The following MTA3 variants were observed in gnomAD, a reference collection of about 807,000 sequenced individuals.
MTA3 encodes metastasis associated 1 family member 3, also known as metastasis-associated protein MTA3.
In MTA3, 34 loss-of-function variants were observed where a neutral mutation model predicts 83.5. The observed-to-expected ratio is 0.41, with a 90% CI of 0.31 to 0.54. MTA3 has a LOEUF of 0.54. Ranked by LOEUF, MTA3 falls within the 20% of genes least tolerant of loss-of-function variation. MTA3 has a pLI of 0.33. For synonymous variants in MTA3, 303 were observed against 252.7 expected, an observed-to-expected ratio of 1.20 and a Z score of -1.89; for missense variants, 761 against 726.4, an observed-to-expected ratio of 1.05 and a Z score of -0.55.
At chr2:42,705,564 G>C (rs1666007547) in intron 12 of MTA3, among the ~76,000 whole-genome samples, 1 of 152,074 alleles carries the variant, frequency 6.6e-6, no homozygotes, top group Non-Finnish European at 1.5e-5. Context: ...AAATTAGCCA[G>C]GCATGGTGGC....
At chr2:42,602,401 G>A (rs1682690612) in intron 3 of MTA3, among the ~76,000 whole-genome samples, 1 of 152,118 alleles carries the variant, frequency 6.6e-6, no homozygotes, top group South Asian at 2.1e-4. Context: ...TTTCTCTTGG[G>A]TAATTACCTA....
intron 9 of MTA3, among the ~76,000 whole-genome samples, chr2:42,690,856 T>TTTTA (rs35037034): frequency 0.12 from 16,435 of 136,036 alleles, 1,073 homozygotes; most frequent in Non-Finnish European, 0.14. Context: ...TGTATTTTTA[T>TTTTA]TTTATTTATT....
At chr2:42,752,993 C>T (rs1669998451) in intron 16 of MTA3, among the ~76,000 whole-genome samples, 1 of 151,864 alleles carries the variant, frequency 6.6e-6, no homozygotes. Flanking sequence ...GGTGCGACCA[C>T]AGCTCACTGC....
At chr2:42,658,903 T>C (rs1484942093) in intron 7 of MTA3, among the ~76,000 whole-genome samples, 1 of 149,878 alleles carries the variant, frequency 6.7e-6, no homozygotes, top group East Asian at 2.0e-4. Context: ...AGGGAGGCCT[T>C]GTCTACAGAA....
intron 8 of MTA3, among the ~76,000 whole-genome samples, chr2:42,682,051 TA>T (rs1169213410): frequency 6.6e-6 from 1 of 151,522 alleles, no homozygotes; most frequent in Non-Finnish European, 1.5e-5. Context: ...CTACATAAAA[TA>T]AAAAAACTAG....
Position 42,704,183 on chromosome 2 carries a change from T to A in MTA3, c.1026-11T>A. The A allele has an allele frequency of 6.2e-7, 1 of 1,612,978 alleles. No homozygotes were observed. Among genetic ancestry groups the A allele is most frequent in the South Asian group, 1.1e-5 (1 of 90,940 alleles). On this transcript the variant is annotated splice_polypyrimidine_tract_variant and intron_variant, in intron 11 of 16. Transcript: ENST00000405094. ...AATCATTTTATCACCTTATTTTAAT[T>A]TCATTGAAAGCAGCAAACCAAATCC... is the stretch of plus-strand genomic sequence containing the variant.
rs182523220 is a variant in MTA3, at chr2:42,650,462, C to T, written c.500-5738C>T. Reference sequence around the variant, plus strand: ...TTTGTTTTTTTGGTTTTTTTTGAGACGGAGTCTTACTCTGTCACCCAGGCT... The same window carrying T: ...TTTGTTTTTTTGGTTTTTTTTGAGATGGAGTCTTACTCTGTCACCCAGGCT... On this transcript the variant is annotated intron_variant, in intron 6 of 16. Transcript: ENST00000405094. 1.9e-3 allele frequency among the ~76,000 whole-genome samples: 282 copies of T among 151,568 alleles called. 2 individuals are homozygous for T. Among genetic ancestry groups the T allele is most frequent in the African/African-American group, 6.5e-3 (267 of 41,340 alleles).
At chr2:42,608,064 T>A (rs892663900) in intron 3 of MTA3, among the ~76,000 whole-genome samples, 2 of 152,256 alleles carry the variant, frequency 1.3e-5, no homozygotes, top group African/African-American at 4.8e-5. Flanking sequence ...TTTTTGTCTT[T>A]GGTTAGGTTG....
At chr2:42,527,386 G>A (rs916977150) in intron 2 of MTA3, among the ~76,000 whole-genome samples, 1 of 152,084 alleles carries the variant, frequency 6.6e-6, no homozygotes, top group African/African-American at 2.4e-5. Flanking sequence ...TTGTTCTTTG[G>A]ACCACACCTT....
At chr2:42,718,927 A>G (rs888647305) in intron 14 of MTA3, 61 bp from the exon 15 acceptor site, 7 of 1,213,312 alleles carry the variant, frequency 5.8e-6, no homozygotes, top group African/African-American at 3.0e-5. Flanking sequence ...TCTGTGGTGC[A>G]TGTAGTCTGG....
chr2:42,563,122 T>A (rs573030684), intron 2 of MTA3, among the ~76,000 whole-genome samples: 4 of 152,194 alleles, frequency 2.6e-5, no homozygotes, highest in African/African-American at 9.6e-5. Context: ...TCCCAACTGA[T>A]CTGGTCTGGA....
chr2:42,588,818 ATG>A (rs1680641344), intron 3 of MTA3, among the ~76,000 whole-genome samples: 1 of 138,698 alleles, frequency 7.2e-6, no homozygotes, highest in Non-Finnish European at 1.6e-5. Flanking sequence ...ATATATATAT[ATG>A]CTATATAAAA....
At position 42,693,175 on chromosome 2, in the gene MTA3, C is replaced by G. The variant is rs556760123; in HGVS notation, c.892-2590C>G. Among the ~76,000 whole-genome samples the G allele has an allele frequency of 7.9e-5, 12 of 152,276 alleles. No individual in the cohort carries two copies. In the South Asian group the frequency reaches 2.5e-3, roughly 32 times the overall value. On this transcript the variant is annotated intron_variant, in intron 9 of 16. Coordinates refer to ENST00000405094, the MANE Select transcript of MTA3 (RefSeq NM_001330442.2). ...TACCTGGAACTGGGGTGTGGTGACA[C>G]AAGCACTCTTGTGGCTACCACCACT... is the stretch of plus-strand genomic sequence containing the variant.
At chr2:42,543,189 G>A (rs886444442) in intron 2 of MTA3, among the ~76,000 whole-genome samples, 7 of 151,612 alleles carry the variant, frequency 4.6e-5, no homozygotes, top group Non-Finnish European at 8.8e-5. Flanking sequence ...AATTTTTTTT[G>A]TTTTTTGAGA....
chr2:42,574,472 G>A (rs1313344580), intron 2 of MTA3, among the ~76,000 whole-genome samples: 2 of 151,070 alleles, frequency 1.3e-5, no homozygotes. Flanking sequence ...TATGTTAGTT[G>A]TCACCCAGGC....
chr2:42,580,457 C>T (rs1303572758), intron 3 of MTA3, among the ~76,000 whole-genome samples: 1 of 152,026 alleles, frequency 6.6e-6, no homozygotes, highest in Admixed American at 6.6e-5. Flanking sequence ...CTGCAACCTC[C>T]GCCTTCTGGG....
chr2:42,722,426 C>G (rs922137804), intron 15 of MTA3, among the ~76,000 whole-genome samples: 21 of 152,138 alleles, frequency 1.4e-4, no homozygotes, highest in African/African-American at 4.3e-4. Flanking sequence ...CATACTCTGT[C>G]TGGTTGCAGA....
chr2:42,542,711 C>A (rs1001299091), intron 2 of MTA3, among the ~76,000 whole-genome samples: 3 of 151,868 alleles, frequency 2.0e-5, no homozygotes, highest in African/African-American at 7.3e-5. Context: ...GCCACCTCAC[C>A]CAGCTAATTT....
chr2:42,588,797 A>G (rs1264282939), intron 3 of MTA3, among the ~76,000 whole-genome samples: 1 of 94,598 alleles, frequency 1.1e-5, no homozygotes, highest in Non-Finnish European at 2.0e-5. Context: ...ATACACATGT[A>G]TGTATTATAC....
Sources: allele counts gnomAD v4.1 joint callset (sites outside exome capture counted in the v4.1 genomes callset), GRCh38; gene constraint gnomAD v4.1.1; transcripts MANE v1.5; gene names NCBI Gene and HGNC (gene_info 2026-07-23, HGNC 2026-07-21).